ZSCAN32: variants seen among roughly 807,000 people sequenced by gnomAD.
The protein encoded by ZSCAN32 is zinc finger and SCAN domain containing 32.
Under a neutral mutation model 47.4 loss-of-function variants are expected in ZSCAN32, and 52 were observed. The ratio of observed to expected loss-of-function variants is 1.10; its 90% CI spans 0.88 to 1.38. The LOEUF (loss-of-function observed/expected upper bound fraction) is 1.38. Among genes scored for constraint, ZSCAN32 ranks in the 40% most tolerant of loss-of-function variants. The pLI, the probability that ZSCAN32 is intolerant of heterozygous loss-of-function variation, is 0.00. For missense variants in ZSCAN32, 959 were observed against 846.0 expected (o/e 1.13, Z -1.66); for synonymous variants, 346 against 305.7 (o/e 1.13, Z -1.38).
rs774626902 is a variant in ZSCAN32, at chr16:3,384,810, A to G, written c.883T>C (p.Trp295Arg). The G allele has an allele frequency of 1.2e-6, 2 of 1,614,202 alleles. No individual in the cohort carries two copies. Among genetic ancestry groups the G allele is most frequent in the Non-Finnish European group, 8.5e-7 (1 of 1,180,020 alleles). ...GGGGTCCGCAGAAAACCCTGCTCCC[A>G]GAGTCCTTCCGCCATGGCCCTGTAG... Reference protein sequence around the residue: ...QIYRAMAEGLWEQGFLRTPEQ... With the variant: ...QIYRAMAEGLREQGFLRTPEQ... The change falls in exon 6 of 7, where the codon TGG becomes CGG. Residue 295 changes from tryptophan to arginine, a missense_variant. By Grantham distance (101) the Trp-to-Arg change is moderately radical. Coordinates refer to ENST00000396852, the MANE Select transcript of ZSCAN32 (RefSeq NM_001284527.2).
At chr16:3,400,404 TAATAA>T (rs2033778935) in intron 1 of ZSCAN32, among the ~76,000 whole-genome samples, 1 of 152,148 alleles carries the variant, frequency 6.6e-6, no homozygotes, top group African/African-American at 2.4e-5. Context: ...AAGAAGAATT[TAATAA>T]AAGCTCTTCT....
chr16:3,387,332 G>C (rs375510945), intron 5 of ZSCAN32, among the ~76,000 whole-genome samples: 1 of 152,138 alleles, frequency 6.6e-6, no homozygotes, highest in Non-Finnish European at 1.5e-5. Context: ...TTCCCTCCCT[G>C]ATACAGGAAT....
Position 3,384,659 on chromosome 16 carries a change from G to A in ZSCAN32, c.1034C>T (p.Ala345Val). The change falls in exon 6 of 7, where the codon GCA becomes GTA. Residue 345 changes from alanine (A) to valine (V), a missense_variant. Physicochemically the swap from Ala to Val is moderately conservative, Grantham distance 64. Transcript: ENST00000396852. ...AACAGCATCGCTTGCCATAGGAGGT[G>A]CAGAGGCCCAGGAGCCTGAAAGAGC... Reference protein sequence around the residue: ...MNALSGSWASAPPMASDAVPG... With the variant: ...MNALSGSWASVPPMASDAVPG... The A allele has an allele frequency of 1.9e-6, 3 of 1,614,186 alleles. No individual in the cohort carries two copies. Among genetic ancestry groups the A allele is most frequent in the Non-Finnish European group, 1.7e-6 (2 of 1,180,038 alleles).
Position 3,397,762 on chromosome 16 carries a change from AGAC to A in ZSCAN32, c.-187-21_-187-19del, listed in dbSNP as rs2033515902. 3 of 589,548 alleles carry A rather than the reference AGAC, an allele frequency of 5.1e-6. No individual in the cohort carries two copies. The highest frequency in any genetic ancestry group is 4.8e-5 in the South Asian group (2 of 41,442). The allele number at this position is 589,548 out of a possible 1,614,324, so 36.5% of individuals were successfully genotyped here. On this transcript the variant is annotated intron_variant, in intron 1 of 6. Transcript: ENST00000396852. Reference sequence around the variant, plus strand: ...AAGGATGTCTGAAGAGGATGGAAAAAGACAATATAAACCTATCAAACATTCCTT... The same window carrying A: ...AAGGATGTCTGAAGAGGATGGAAAAAAATATAAACCTATCAAACATTCCTT...
intron 2 of ZSCAN32, 48 bp downstream of exon 2, chr16:3,397,144 C>T (rs746795398): frequency 3.3e-5 from 48 of 1,470,608 alleles, no homozygotes; most frequent in Admixed American, 7.9e-5. Context: ...CTGGATTCCC[C>T]GACAACTTCA....
At chr16:3,383,838 G>T in intron 6 of ZSCAN32, 127 bp from the exon 7 acceptor site, 1 of 990,140 alleles carries the variant, frequency 1.0e-6, no homozygotes, top group Non-Finnish European at 1.4e-6. Flanking sequence ...TAAGTCTCCT[G>T]CTAATTAATA....
In ZSCAN32 at chr16:3,397,345, G is replaced by T. The variant is rs553651109; in HGVS notation, c.213C>A (p.His71Gln). Reference sequence around the variant, plus strand: ...GCAGCTCCAGGATTTCCTCTTTTGAGTGGGTCTTCGGCCTCAGCCACTGAC... The same window carrying T: ...GCAGCTCCAGGATTTCCTCTTTTGATTGGGTCTTCGGCCTCAGCCACTGAC... The part of the protein sequence containing the change: ...LCCQWLRPKT[H>Q]SKEEILELLV... The change falls in exon 2 of 7, where the codon CAC becomes CAA. Residue 71 changes from histidine (H) to glutamine (Q), a missense_variant. Physicochemically the swap from His to Gln is conservative, Grantham distance 24. Coordinates refer to ENST00000396852, the MANE Select transcript of ZSCAN32 (RefSeq NM_001284527.2). 2 of 1,560,722 alleles carry T rather than the reference G, an allele frequency of 1.3e-6. No individual in the cohort carries two copies. The highest frequency in any genetic ancestry group is 1.4e-5 in the African/African-American group (1 of 73,510).
Position 3,383,229 on chromosome 16 carries a change from CTG to C in ZSCAN32, c.1715_1716del (p.Thr572ArgfsTer73), listed in dbSNP as rs2031466262. 1 of 1,614,104 alleles carries C rather than the reference CTG, an allele frequency of 6.2e-7. No individual in the cohort carries two copies. Among genetic ancestry groups the C allele is most frequent in the African/African-American group, 1.3e-5 (1 of 75,046 alleles). On this transcript the variant is annotated frameshift_variant, in exon 7 of 7. Transcript: ENST00000396852. LOFTEE classifies it low-confidence loss of function (END_TRUNC). ...TGCCCACACTGATAGGGCCTCTCCC[CTG>C]TGTGAGTTCGTAGGTGGGCAGTGAG... Reference protein sequence around the residue: ...SNLTAHLRTHTGERPYQCGQC... With the variant: ...SNLTAHLRTHXGERPYQCGQC...
At position 3,397,296 on chromosome 16, in the gene ZSCAN32, T is replaced by A; in HGVS notation, c.262A>T (p.Ile88Phe). The A allele has an allele frequency of 6.4e-7, 1 of 1,572,418 alleles. No individual in the cohort carries two copies. The highest frequency in any genetic ancestry group is 8.6e-7 in the Non-Finnish European group (1 of 1,158,812). The change falls in exon 2 of 7, where the codon ATC (isoleucine) becomes TTC (phenylalanine). Residue 88 changes from isoleucine to phenylalanine, a missense_variant. Physicochemically the swap from Ile to Phe is conservative, Grantham distance 21 (BLOSUM62 0). Transcript: ENST00000396852. ...ELLVLEQFLTILPEEIQTWVR... is the reference protein window; with the variant it reads ...ELLVLEQFLTFLPEEIQTWVR... ...CAGGTCTGGATCTCCTCTGGCAAGA[T>A]AGTCAGAAACTGCTCCAAAACCAGC...
At chr16:3,385,194 C>T (rs1375853100) in intron 5 of ZSCAN32, among the ~76,000 whole-genome samples, 3 of 152,012 alleles carry the variant, frequency 2.0e-5, no homozygotes, top group Admixed American at 6.6e-5. Flanking sequence ...GGTGTGGTGC[C>T]GTGTGCCTGT....
At chr16:3,396,873 A>G (rs1465892147) in intron 2 of ZSCAN32, among the ~76,000 whole-genome samples, 1 of 152,220 alleles carries the variant, frequency 6.6e-6, no homozygotes, top group African/African-American at 2.4e-5. Flanking sequence ...ATTCACTAGC[A>G]TCTCTAGTTT....
intron 5 of ZSCAN32, among the ~76,000 whole-genome samples, chr16:3,386,958 G>T (rs1486307269): frequency 2.3e-5 from 3 of 129,838 alleles, no homozygotes; most frequent in South Asian, 5.0e-4. Flanking sequence ...AAAAAAAAAA[G>T]TTACATCCTG....
At chr16:3,390,362 G>T in intron 4 of ZSCAN32, 61 bp downstream of exon 4, 1 of 1,456,070 alleles carries the variant, frequency 6.9e-7, no homozygotes, top group South Asian at 1.3e-5. Context: ...CTCTGGAAAG[G>T]AGGAGGGTTT....
intron 5 of ZSCAN32, among the ~76,000 whole-genome samples, chr16:3,386,504 C>T (rs978484534): frequency 1.1e-4 from 16 of 152,164 alleles, no homozygotes; most frequent in South Asian, 1.0e-3. Context: ...ATGTTTATTG[C>T]GGCACTATTC....
In ZSCAN32 at chr16:3,397,632, G is replaced by A; in HGVS notation, c.-75C>T. On this transcript the variant is annotated 5_prime_UTR_variant, in exon 2 of 7. It introduces an in-frame stop codon into an upstream open reading frame of the 5' UTR. Coordinates refer to ENST00000396852, the MANE Select transcript of ZSCAN32 (RefSeq NM_001284527.2). ...CAGAGTCCATCTTTCCCACATCACTGGGAAGCCATGTTCTCCTGCAAGGAA... is the reference window on the plus strand; with the variant it reads ...CAGAGTCCATCTTTCCCACATCACTAGGAAGCCATGTTCTCCTGCAAGGAA... 6.9e-7 allele frequency: 1 copy of A among 1,441,948 alleles called. No individual in the cohort carries two copies. Among genetic ancestry groups the A allele is most frequent in the South Asian group, 1.5e-5 (1 of 67,764 alleles). The allele number at this position is 1,441,948 out of a possible 1,614,324, so 89.3% of individuals were successfully genotyped here.
intron 3 of ZSCAN32, among the ~76,000 whole-genome samples, chr16:3,393,169 TC>T (rs2032923074): frequency 1.2e-5 from 1 of 84,676 alleles, no homozygotes; most frequent in African/African-American, 5.1e-5. Context: ...TATATATATT[TC>T]TATATATATA....
Position 3,390,502 on chromosome 16 carries a change from T to A in ZSCAN32, c.548A>T (p.Gln183Leu). ...GEQSEAWLAPQAPRNLPQNTG... is the reference protein window; with the variant it reads ...GEQSEAWLAPLAPRNLPQNTG... ...GTTTTGAGGCAGGTTCCTGGGAGCC[T>A]GAGGAGCAAGCCAGGCTGGGGGAAA... The change falls in exon 4 of 7, where the codon CAG becomes CTG. Residue 183 changes from glutamine (Q) to leucine (L), a missense_variant. Gln to Leu is a moderately radical substitution (Grantham distance 113). Coordinates refer to ENST00000396852, the MANE Select transcript of ZSCAN32 (RefSeq NM_001284527.2). 6.5e-7 allele frequency: 1 copy of A among 1,548,844 alleles called. No individual in the cohort carries two copies. Among genetic ancestry groups the A allele is most frequent in the Non-Finnish European group, 8.7e-7 (1 of 1,146,868 alleles).
chr16:3,384,424 C>T, intron 6 of ZSCAN32, 35 bp downstream of exon 6: 1 of 1,611,724 alleles, frequency 6.2e-7, no homozygotes, highest in African/African-American at 1.3e-5. Flanking sequence ...GTGGACTTTG[C>T]CATCCTTTGA....
chr16:3,385,355 A>G (rs925620872), intron 5 of ZSCAN32, among the ~76,000 whole-genome samples: 3 of 152,162 alleles, frequency 2.0e-5, no homozygotes, highest in African/African-American at 7.2e-5. Context: ...TATCGTGAAA[A>G]TGGCCATACT....
Sources: allele counts gnomAD v4.1 joint callset (sites outside exome capture counted in the v4.1 genomes callset), GRCh38; gene constraint gnomAD v4.1.1; transcripts MANE v1.5; gene names NCBI Gene and HGNC (gene_info 2026-07-23, HGNC 2026-07-21).